Variants in SNRK observed in about 807,000 individuals in gnomAD.
The protein encoded by SNRK is SNF related kinase.
A neutral mutation model predicts 48.2 loss-of-function variants in SNRK; 3 were observed. The observed-to-expected ratio is 0.06, with a 90% CI of 0.03 to 0.16. The LOEUF (loss-of-function observed/expected upper bound fraction) is 0.16, where lower values mean the gene tolerates loss of function less well. Among genes scored for constraint, SNRK ranks in the 10% least tolerant of loss-of-function variants. SNRK has a pLI of 1.00. For missense variants in SNRK, 627 were observed against 976.0 expected (o/e 0.64, Z 4.76); for synonymous variants, 376 against 366.1 (o/e 1.03, Z -0.31).
chr3:43,346,732 G>C (rs2091279220), intron 6 of SNRK, among the ~76,000 whole-genome samples: 1 of 152,186 alleles, frequency 6.6e-6, no homozygotes, highest in South Asian at 2.1e-4. Flanking sequence ...AACAAAGAGT[G>C]AGACCCTGTC....
rs1012593639 is a variant in SNRK at position 43,339,207 on chromosome 3, G to A, written c.732-1080G>A. On this transcript the variant is annotated intron_variant, in intron 4 of 6. Coordinates refer to ENST00000296088, the MANE Select transcript of SNRK (RefSeq NM_017719.5). Reference sequence around the variant, plus strand: ...GTACCACACAGATATCATTAGTTTGGAACACAGACTTGTGTGAGGACCAGC... The same window carrying A: ...GTACCACACAGATATCATTAGTTTGAAACACAGACTTGTGTGAGGACCAGC... Among the ~76,000 whole-genome samples, 35 of 152,196 alleles carry A rather than the reference G, an allele frequency of 2.3e-4. 1 individual carries two copies. Among genetic ancestry groups the A allele is most frequent in the Non-Finnish European group, 7.3e-5 (5 of 68,032 alleles).
At position 43,347,514 on chromosome 3, in the gene SNRK, T is replaced by C. The variant is rs779685435; in HGVS notation, c.1255T>C (p.Leu419=). The change falls in exon 7 of 7, where the codon TTG becomes CTG. Residue 419 remains leucine (L), a synonymous_variant. Coordinates refer to ENST00000296088, the MANE Select transcript of SNRK (RefSeq NM_017719.5). The surrounding 1 kb of genome is among the most constrained non-coding windows in gnomAD (Gnocchi z 5.4). ...AGCTAAGAAAGATGACCTCCCTGAG[T>C]TGGCTGGACCAGCACTCTCTACGGT... ...DSAKKDDLPE[L]AGPALSTVPP... 3 of 1,613,578 alleles carry C rather than the reference T, an allele frequency of 1.9e-6. No homozygotes were observed. Among genetic ancestry groups the C allele is most frequent in the Non-Finnish European group, 2.5e-6 (3 of 1,179,774 alleles).
intron 4 of SNRK, among the ~76,000 whole-genome samples, chr3:43,336,704 G>T (rs2091191680): frequency 6.6e-6 from 1 of 152,026 alleles, no homozygotes; most frequent in Admixed American, 6.5e-5. Context: ...TTATTTTAGT[G>T]ATTTTTCTAC....
rs751370958 is a variant in SNRK at position 43,347,585 on chromosome 3, G to C, written c.1326G>C (p.Leu442=). 61 of 1,613,952 alleles carry C rather than the reference G, an allele frequency of 3.8e-5. No individual in the cohort carries two copies. Among genetic ancestry groups the C allele is most frequent in the Middle Eastern group, 1.6e-4 (1 of 6,084 alleles). ...LKPTASGRKC[L]FRVEEDEEED... ...CCACAGCCAGTGGGCGGAAGTGTCTGTTCAGGGTGGAAGAAGATGAAGAGG... is the reference window on the plus strand; with the variant it reads ...CCACAGCCAGTGGGCGGAAGTGTCTCTTCAGGGTGGAAGAAGATGAAGAGG... The change falls in exon 7 of 7, where the codon CTG becomes CTC. Residue 442 remains leucine, a synonymous_variant. Coordinates refer to ENST00000296088, the MANE Select transcript of SNRK (RefSeq NM_017719.5). This position sits in a 1 kb window ranked among gnomAD's most constrained non-coding sequence, Gnocchi z 5.4.
chr3:43,300,554 C>T (rs1342502998), intron 2 of SNRK, among the ~76,000 whole-genome samples: 3 of 152,014 alleles, frequency 2.0e-5, no homozygotes, highest in African/African-American at 7.2e-5. Flanking sequence ...GAATTTTAAG[C>T]ATAATTATTG....
At chr3:43,320,655 G>A (rs1328582090) in intron 3 of SNRK, among the ~76,000 whole-genome samples, 2 of 150,268 alleles carry the variant, frequency 1.3e-5, no homozygotes, top group African/African-American at 5.0e-5. Context: ...TATTGTATCA[G>A]AGTAGCTGGG....
At chr3:43,329,947 C>G (rs1459714695) in intron 3 of SNRK, among the ~76,000 whole-genome samples, 1 of 152,080 alleles carries the variant, frequency 6.6e-6, no homozygotes, top group Non-Finnish European at 1.5e-5. Flanking sequence ...AATAATTGCA[C>G]TATCAGATAT....
intron 3 of SNRK, among the ~76,000 whole-genome samples, chr3:43,308,666 C>G (rs1167239710): frequency 3.3e-5 from 5 of 152,234 alleles, no homozygotes; most frequent in Non-Finnish European, 5.9e-5. Context: ...AATACTGCCA[C>G]TCATTGACAA....
At chr3:43,289,085 A>G (rs527606271) in intron 1 of SNRK, among the ~76,000 whole-genome samples, 2 of 152,360 alleles carry the variant, frequency 1.3e-5, no homozygotes, top group African/African-American at 4.8e-5. Flanking sequence ...CTTAGAAGCT[A>G]CTGGGGAACA....
intron 3 of SNRK, among the ~76,000 whole-genome samples, chr3:43,308,865 C>T (rs1191795219): frequency 2.6e-5 from 4 of 152,156 alleles, no homozygotes; most frequent in Admixed American, 2.6e-4. Context: ...TCCGATCCAT[C>T]TGGGCAAAGT....
intron 3 of SNRK, among the ~76,000 whole-genome samples, chr3:43,329,242 T>C (rs972403170): frequency 6.6e-6 from 1 of 152,096 alleles, no homozygotes; most frequent in African/African-American, 2.4e-5. Flanking sequence ...ATCGAGACCA[T>C]CCTGGCTAAC....
At chr3:43,287,033 C>G (rs1575526127) in intron 1 of SNRK, among the ~76,000 whole-genome samples, 1 of 150,052 alleles carries the variant, frequency 6.7e-6, no homozygotes, top group South Asian at 2.1e-4. Flanking sequence ...CGCCCCGCCC[C>G]GGAGCGGGCC....
At chr3:43,314,352 T>C (rs1249144040) in intron 3 of SNRK, among the ~76,000 whole-genome samples, 1 of 152,226 alleles carries the variant, frequency 6.6e-6, no homozygotes, top group Non-Finnish European at 1.5e-5. Context: ...CTATCCCTGG[T>C]CTATCTGAAA....
intron 1 of SNRK, among the ~76,000 whole-genome samples, chr3:43,294,015 T>G (rs2090833651): frequency 6.6e-6 from 1 of 152,212 alleles, no homozygotes; most frequent in Non-Finnish European, 1.5e-5. Flanking sequence ...CCCCATGAAA[T>G]GTAGTAGCCT....
At chr3:43,343,280 T>A (rs2091251094) in intron 5 of SNRK, 64 bp from the exon 6 acceptor site, 1 of 1,514,508 alleles carries the variant, frequency 6.6e-7, no homozygotes, top group Non-Finnish European at 8.8e-7. Context: ...TAAAAATCAA[T>A]TCTGCTTCTT....
In SNRK at chr3:43,349,277, A is replaced by G. The variant is rs1029403135; in HGVS notation, c.*720A>G. 6.6e-6 allele frequency: 1 copy of G among 152,666 alleles called. No homozygotes were observed. The highest frequency in any genetic ancestry group is 2.4e-5 in the African/African-American group (1 of 41,470). The allele number at this position is 152,666 out of a possible 1,614,324, so 9.5% of individuals were successfully genotyped here. A position where few individuals can be genotyped will look rare whatever the true frequency, so the allele number is the denominator to read the frequency against. On this transcript the variant is annotated 3_prime_UTR_variant, in exon 7 of 7. Transcript: ENST00000296088. ...TGTAGTGATAAATTACAAGCAGACA[A>G]TCTTATTTTGTAATGTGATGAAGTG...
rs958530928 is a variant in SNRK, at chr3:43,322,405, G to A, written c.590-9764G>A. On this transcript the variant is annotated intron_variant, in intron 3 of 6. Coordinates refer to ENST00000296088, the MANE Select transcript of SNRK (RefSeq NM_017719.5). ...AGGGTAGTAGCTTTGATTACAGTTCGTGGATGTAGTACACATATTATTCGA... is the reference window on the plus strand; with the variant it reads ...AGGGTAGTAGCTTTGATTACAGTTCATGGATGTAGTACACATATTATTCGA... Among the ~76,000 whole-genome samples, 6 of 152,282 alleles carry A rather than the reference G, an allele frequency of 3.9e-5. No individual in the cohort carries two copies. The East Asian group carries it at 5.8e-4, about 15-fold the overall frequency.
chr3:43,345,717 G>A (rs11715602), intron 6 of SNRK, among the ~76,000 whole-genome samples: 1 of 152,194 alleles, frequency 6.6e-6, no homozygotes, highest in Non-Finnish European at 1.5e-5. Flanking sequence ...ATGTGGCTTA[G>A]CTGAAAGGAG....
intron 4 of SNRK, among the ~76,000 whole-genome samples, chr3:43,335,355 T>C (rs2091178242): frequency 6.6e-6 from 1 of 152,226 alleles, no homozygotes; most frequent in South Asian, 2.1e-4. Flanking sequence ...CAGGGGTGTT[T>C]TACATTTCCA....
Sources: allele counts gnomAD v4.1 joint callset (sites outside exome capture counted in the v4.1 genomes callset), GRCh38; gene constraint gnomAD v4.1.1; non-coding constraint Gnocchi (gnomAD v3.1); transcripts MANE v1.5; gene names NCBI Gene and HGNC (gene_info 2026-07-23, HGNC 2026-07-21).